Variants in SMURF1 observed in about 807,000 individuals in gnomAD.
The protein encoded by SMURF1 is E3 ubiquitin-protein ligase SMURF1.
SMURF1 carries 44 observed loss-of-function variants against 98.0 expected under a neutral mutation model. The ratio of observed to expected loss-of-function variants is 0.45; its 90% CI spans 0.35 to 0.58. The LOEUF (loss-of-function observed/expected upper bound fraction) is 0.58. Ranked by LOEUF, SMURF1 falls within the 20% of genes least tolerant of loss-of-function variation. The pLI is 0.00. For synonymous variants in SMURF1, 396 were observed against 374.9 expected (o/e 1.06, Z -0.65); for missense variants, 687 against 938.4 (o/e 0.73, Z 3.50).
rs767365471 is a variant in SMURF1 at position 99,061,840 on chromosome 7, AAAAAC to A, written c.56-8_56-4del. 1 of 1,599,722 alleles carries A rather than the reference AAAAAC, an allele frequency of 6.3e-7. No homozygotes were observed. The highest frequency in any genetic ancestry group is 1.1e-5 in the South Asian group (1 of 87,432). ...TGCAAGGTTCTTGGCACATAACACTAAAAACAAAGAAAAATTACTCAGGTTAGCAT... is the reference window on the plus strand; with the variant it reads ...TGCAAGGTTCTTGGCACATAACACTAAAAGAAAAATTACTCAGGTTAGCAT... On this transcript the variant is annotated splice_region_variant and splice_polypyrimidine_tract_variant and intron_variant, in intron 1 of 17. Coordinates refer to ENST00000361368, the MANE Select transcript of SMURF1 (RefSeq NM_181349.3).
At chr7:99,045,518 C>T (rs1344498716) in intron 11 of SMURF1, 180 bp downstream of exon 11, 3 of 553,630 alleles carry the variant, frequency 5.4e-6, no homozygotes, top group Admixed American at 3.5e-5. Flanking sequence ...CGAGCATGCT[C>T]GGAGGAATTC....
intron 1 of SMURF1, among the ~76,000 whole-genome samples, chr7:99,101,896 T>C (rs1213366069): frequency 6.6e-6 from 1 of 150,818 alleles, no homozygotes; most frequent in Non-Finnish European, 1.5e-5. Flanking sequence ...ATTGTGCCAT[T>C]GCACTCCAGC....
chr7:99,133,102 TAC>T (rs1287231811), intron 1 of SMURF1, among the ~76,000 whole-genome samples: 1 of 138,198 alleles, frequency 7.2e-6, no homozygotes, highest in South Asian at 2.6e-4. Context: ...CATAGACTGC[TAC>T]ACACACACAC....
intron 6 of SMURF1, among the ~76,000 whole-genome samples, chr7:99,054,498 G>T (rs1795834760): frequency 6.6e-6 from 1 of 151,824 alleles, no homozygotes; most frequent in Admixed American, 6.6e-5. Flanking sequence ...AGTAGAGATG[G>T]GGTTTCACCG....
chr7:99,044,946 G>A (rs1398856724), intron 11 of SMURF1, among the ~76,000 whole-genome samples: 1 of 152,000 alleles, frequency 6.6e-6, no homozygotes, highest in Non-Finnish European at 1.5e-5. Context: ...GACCAGCCTG[G>A]GCAACATAGT....
intron 2 of SMURF1, 29 bp from the exon 3 acceptor site, chr7:99,060,736 A>C (rs1337254448): frequency 6.9e-7 from 1 of 1,459,058 alleles, no homozygotes; most frequent in South Asian, 1.2e-5. Context: ...CCACACCTAG[A>C]TGAGACCTCA....
chr7:99,111,090 AC>A (rs1797309021), intron 1 of SMURF1, among the ~76,000 whole-genome samples: 1 of 152,220 alleles, frequency 6.6e-6, no homozygotes, highest in Non-Finnish European at 1.5e-5. Flanking sequence ...TTTTTATAGC[AC>A]TTTGATTTTT....
At position 99,060,670 on chromosome 7, in the gene SMURF1, C is replaced by A; in HGVS notation, c.132G>T (p.Gly44=). Residue 44 remains glycine, a synonymous_variant, in exon 3 of 18, where the codon GGG becomes GGT. Coordinates refer to ENST00000361368, the MANE Select transcript of SMURF1 (RefSeq NM_181349.3). ...TGTCGGTTGAGTGGCACTGCCCAGACCCATCCACGACAATCTTTGCAAAAG... is the reference window on the plus strand; with the variant it reads ...TGTCGGTTGAGTGGCACTGCCCAGAACCATCCACGACAATCTTTGCAAAAG... ...PDPFAKIVVD[G]SGQCHSTDTV... The A allele has an allele frequency of 1.9e-6, 3 of 1,613,942 alleles. No homozygotes were observed. The highest frequency in any genetic ancestry group is 1.7e-6 in the Non-Finnish European group (2 of 1,179,956).
chr7:99,059,018 A>G (rs1266028913), intron 3 of SMURF1, among the ~76,000 whole-genome samples: 1 of 152,172 alleles, frequency 6.6e-6, no homozygotes, highest in African/African-American at 2.4e-5. Context: ...CAGCAGGAGG[A>G]GGTTGCGGTG....
At chr7:99,049,260 C>A in intron 9 of SMURF1, 1 of 328,434 alleles carries the variant, frequency 3.0e-6, no homozygotes, top group Non-Finnish European at 5.7e-6. Context: ...CTAAGGGCCA[C>A]GTGTCTCATG....
intron 5 of SMURF1, among the ~76,000 whole-genome samples, chr7:99,055,122 A>G (rs903146525): frequency 7.9e-5 from 12 of 152,168 alleles, no homozygotes; most frequent in Non-Finnish European, 1.8e-4. Flanking sequence ...AAAAATAACA[A>G]TGTAATATTC....
At position 99,038,607 on chromosome 7, in the gene SMURF1, TGC is replaced by T. The variant is rs1795247383; in HGVS notation, c.1551-84_1551-83del. 8.5e-6 allele frequency: 13 copies of T among 1,524,236 alleles called. No homozygotes were observed. The South Asian group carries it at 1.6e-4, about 19-fold the overall frequency. The allele number at this position is 1,524,236 out of a possible 1,614,324, so 94.4% of individuals were successfully genotyped here. ...TGGGTAGACAGAAAACATTTACGAC[TGC>T]CAAACCCGGGGCTGCAAGACAGGAC... On this transcript the variant is annotated intron_variant, in intron 13 of 17. Transcript: ENST00000361368.
chr7:99,027,620 A>G lies in SMURF1; in HGVS notation c.*2964T>C, dbSNP rs993173378. ...AACATTAGTGTACAACTTTCACAAA[A>G]TAAATCAGTGATAAAAACAGTGGGA... On this transcript the variant is annotated 3_prime_UTR_variant, in exon 18 of 18. Transcript: ENST00000361368. 27 of 152,654 alleles carry G rather than the reference A, an allele frequency of 1.8e-4. No homozygotes were observed. The highest frequency in any genetic ancestry group is 2.9e-5 in the Non-Finnish European group (2 of 68,052). The allele number at this position is 152,654 out of a possible 1,614,324, so 9.5% of individuals were successfully genotyped here.
At chr7:99,035,946 A>G (rs1330772909) in intron 15 of SMURF1, 4 of 565,030 alleles carry the variant, frequency 7.1e-6, no homozygotes, top group Non-Finnish European at 1.3e-5. Context: ...CGCGGTGCAC[A>G]GCTGTTGATG....
At chr7:99,130,030 T>C (rs1370206186) in intron 1 of SMURF1, among the ~76,000 whole-genome samples, 2 of 152,248 alleles carry the variant, frequency 1.3e-5, no homozygotes, top group East Asian at 3.8e-4. Flanking sequence ...TATTTTTCTT[T>C]CTACACATCC....
In SMURF1 at chr7:99,126,368, ATGGGC is replaced by A. The variant is rs1233695873; in HGVS notation, c.55+17353_55+17357del. 5.0e-5 allele frequency among the ~76,000 whole-genome samples: 7 copies of A among 138,816 alleles called. No homozygotes were observed. In the East Asian group the frequency reaches 6.2e-4, roughly 12 times the overall value. 91.1% of individuals were successfully genotyped at this position (138,816 alleles called of 152,430 possible). ...TATTCCTTTTTTTTTTTTTTTAATTATGGGCTGGGCTGGGTGCAGTGGTTCACGCC... is the reference window on the plus strand; with the variant it reads ...TATTCCTTTTTTTTTTTTTTTAATTATGGGCTGGGTGCAGTGGTTCACGCC... On this transcript the variant is annotated intron_variant, in intron 1 of 17. Transcript: ENST00000361368.
At chr7:99,102,987 G>A (rs1004835104) in intron 1 of SMURF1, among the ~76,000 whole-genome samples, 5 of 151,812 alleles carry the variant, frequency 3.3e-5, no homozygotes, top group African/African-American at 1.2e-4. Context: ...TATCTTTAGG[G>A]GAAATAGGTT....
At chr7:99,137,607 G>A (rs926263709) in intron 1 of SMURF1, among the ~76,000 whole-genome samples, 2 of 152,164 alleles carry the variant, frequency 1.3e-5, no homozygotes, top group South Asian at 2.1e-4. Context: ...CATCTGAAAT[G>A]CATCACCCAG....
At chr7:99,104,851 G>A (rs965902339) in intron 1 of SMURF1, among the ~76,000 whole-genome samples, 1 of 152,198 alleles carries the variant, frequency 6.6e-6, no homozygotes, top group Non-Finnish European at 1.5e-5. Context: ...ACGCAGACCA[G>A]GCTGTTTGCC....
Sources: allele counts gnomAD v4.1 joint callset (sites outside exome capture counted in the v4.1 genomes callset), GRCh38; gene constraint gnomAD v4.1.1; transcripts MANE v1.5; gene names NCBI Gene and HGNC (gene_info 2026-07-23, HGNC 2026-07-21).